FAF1: variants seen among roughly 807,000 people sequenced by gnomAD.
FAF1 encodes FAS-associated factor 1.
Under a neutral mutation model 92.5 loss-of-function variants are expected in FAF1, and 25 were observed. The observed-to-expected ratio is 0.27, with a 90% CI of 0.20 to 0.38. FAF1 has a LOEUF of 0.38. FAF1 is among the 10% of genes least tolerant of loss of function. The pLI is 1.00. For synonymous variants in FAF1, 234 were observed against 273.2 expected, an observed-to-expected ratio of 0.86 and a Z score of 1.42; for missense variants, 636 against 793.3, an observed-to-expected ratio of 0.80 and a Z score of 2.38.
At chr1:50,924,560 T>C (rs1644989245) in intron 1 of FAF1, among the ~76,000 whole-genome samples, 1 of 151,988 alleles carries the variant, frequency 6.6e-6, no homozygotes, top group Non-Finnish European at 1.5e-5. Context: ...GAAAAAGCAA[T>C]CCTTAAGTTC....
intron 8 of FAF1, among the ~76,000 whole-genome samples, chr1:50,637,680 T>C (rs1032621184): frequency 1.8e-5 from 2 of 110,604 alleles, no homozygotes; most frequent in Non-Finnish European, 3.9e-5. Flanking sequence ...CACATATATA[T>C]ATGTGTGTGT....
At chr1:50,508,849 A>T (rs867593560) in intron 15 of FAF1, among the ~76,000 whole-genome samples, 1 of 152,138 alleles carries the variant, frequency 6.6e-6, no homozygotes, top group Non-Finnish European at 1.5e-5. Context: ...TATAGGCATG[A>T]GCCACCACAC....
intron 13 of FAF1, among the ~76,000 whole-genome samples, chr1:50,549,967 AGGGTTGGTT>A (rs1380905995): frequency 2.0e-5 from 3 of 152,166 alleles, no homozygotes; most frequent in African/African-American, 7.2e-5. Context: ...CATTTATTTC[AGGGTTGGTT>A]GGTTTCTCTT....
chr1:50,758,925 C>T (rs1384820885), intron 4 of FAF1, among the ~76,000 whole-genome samples: 1 of 152,028 alleles, frequency 6.6e-6, no homozygotes, highest in African/African-American at 2.4e-5. Flanking sequence ...TCTCTGCAAG[C>T]TCTGCCTCGT....
At chr1:50,611,830 C>A (rs1652699518) in intron 8 of FAF1, among the ~76,000 whole-genome samples, 1 of 152,126 alleles carries the variant, frequency 6.6e-6, no homozygotes, top group South Asian at 2.1e-4. Flanking sequence ...CACCCCCCAC[C>A]AACCTCCCCA....
chr1:50,734,067 G>C (rs550281689), intron 6 of FAF1, among the ~76,000 whole-genome samples: 1 of 152,222 alleles, frequency 6.6e-6, no homozygotes, highest in Admixed American at 6.5e-5. Context: ...AAAGTGTTGG[G>C]AATACAGGCG....
chr1:50,739,604 T>C (rs1659306614), intron 5 of FAF1, among the ~76,000 whole-genome samples: 1 of 152,122 alleles, frequency 6.6e-6, no homozygotes, highest in African/African-American at 2.4e-5. Flanking sequence ...ATATACTTCG[T>C]TTCAGGGTCA....
rs1028084057 is a variant in FAF1, at chr1:50,596,294, T to C, written c.745-78A>G. The C allele has an allele frequency of 5.0e-6, 5 of 1,001,814 alleles. No homozygotes were observed. In the African/African-American group the frequency reaches 6.4e-5, roughly 13 times the overall value. 62.1% of individuals were successfully genotyped at this position (1,001,814 alleles called of 1,614,324 possible). On this transcript the variant is annotated intron_variant, in intron 8 of 18. Coordinates refer to ENST00000396153, the MANE Select transcript of FAF1 (RefSeq NM_007051.3). ...AAAGGATTTGACTTTTCAGGTATTT[T>C]CTATTATTGCTGAAGCTAGATTAGA...
At position 50,682,136 on chromosome 1, in the gene FAF1, T is replaced by C. The variant is rs570400214; in HGVS notation, c.657+23650A>G. 1.5e-4 allele frequency among the ~76,000 whole-genome samples: 23 copies of C among 152,106 alleles called. No homozygotes were observed. In the South Asian group the frequency reaches 4.6e-3, roughly 30 times the overall value. ...AGGTGTGAGTCACCACACTTGGCAG[T>C]ATTTCAATGTGTAACTGAGTAACTG... On this transcript the variant is annotated intron_variant, in intron 7 of 18. Coordinates refer to ENST00000396153, the MANE Select transcript of FAF1 (RefSeq NM_007051.3).
chr1:50,696,224 TA>T (rs556710007), intron 7 of FAF1, among the ~76,000 whole-genome samples: 1 of 152,152 alleles, frequency 6.6e-6, no homozygotes, highest in African/African-American at 2.4e-5. Flanking sequence ...CCAAAATACA[TA>T]AAAAATAAGG....
chr1:50,866,527 G>T (rs1453721595), intron 1 of FAF1, among the ~76,000 whole-genome samples: 1 of 152,052 alleles, frequency 6.6e-6, no homozygotes, highest in Non-Finnish European at 1.5e-5. Flanking sequence ...CAAATCAGTA[G>T]CACTGCTATA....
chr1:50,594,093 A>T (rs1331626573), intron 9 of FAF1, among the ~76,000 whole-genome samples: 2 of 151,978 alleles, frequency 1.3e-5, no homozygotes, highest in African/African-American at 4.8e-5. Context: ...AGGGTGGATC[A>T]TTTGAGGTCA....
chr1:50,589,626 T>C (rs750251429), intron 9 of FAF1, among the ~76,000 whole-genome samples: 2 of 152,228 alleles, frequency 1.3e-5, no homozygotes, highest in Non-Finnish European at 2.9e-5. Flanking sequence ...ATTCTGTGGG[T>C]TGCCTTTTTA....
chr1:50,908,688 T>C (rs1042170894), intron 1 of FAF1, among the ~76,000 whole-genome samples: 1 of 151,776 alleles, frequency 6.6e-6, no homozygotes, highest in Non-Finnish European at 1.5e-5. Flanking sequence ...GAGACTAGGA[T>C]TGCAACCCCT....
chr1:50,549,600 CCCCGT>C (rs1171417333), intron 13 of FAF1, among the ~76,000 whole-genome samples: 1 of 151,922 alleles, frequency 6.6e-6, no homozygotes, highest in Non-Finnish European at 1.5e-5. Flanking sequence ...CAAGGTGAAA[CCCCGT>C]CTCTACTGAA....
chr1:50,642,079 C>T (rs1052830302), intron 8 of FAF1, among the ~76,000 whole-genome samples: 4 of 151,438 alleles, frequency 2.6e-5, no homozygotes, highest in African/African-American at 7.3e-5. Context: ...GGCGGGTGCC[C>T]GTAATCCCAG....
chr1:50,747,360 T>C (rs1659672689), intron 4 of FAF1, among the ~76,000 whole-genome samples: 1 of 152,184 alleles, frequency 6.6e-6, no homozygotes, highest in Admixed American at 6.5e-5. Flanking sequence ...ATATGAGACA[T>C]GGAGTCAAAG....
chr1:50,570,810 A>G (rs1230223786), intron 12 of FAF1, among the ~76,000 whole-genome samples: 1 of 152,130 alleles, frequency 6.6e-6, no homozygotes, highest in East Asian at 1.9e-4. Flanking sequence ...AGATAAATGG[A>G]CTCCAGACTC....
At chr1:50,641,889 C>CT (rs1654347282) in intron 8 of FAF1, among the ~76,000 whole-genome samples, 1 of 152,012 alleles carries the variant, frequency 6.6e-6, no homozygotes, top group Admixed American at 6.6e-5. Context: ...TACAGAATCT[C>CT]TTTTTTTAGT....
Sources: allele counts gnomAD v4.1 joint callset (sites outside exome capture counted in the v4.1 genomes callset), GRCh38; gene constraint gnomAD v4.1.1; transcripts MANE v1.5; gene names NCBI Gene and HGNC (gene_info 2026-07-23, HGNC 2026-07-21).